TMEM150C: variants seen among roughly 807,000 people sequenced by gnomAD.
TMEM150C encodes transmembrane protein 150C, also known as tentonin 3.
TMEM150C carries 10 observed loss-of-function variants against 29.9 expected under a neutral mutation model. That is an observed-to-expected ratio of 0.33 (90% CI 0.21 to 0.57). The LOEUF (loss-of-function observed/expected upper bound fraction) is 0.57. Ranked by LOEUF, TMEM150C falls within the 20% of genes least tolerant of loss-of-function variation. The pLI, the probability that TMEM150C is intolerant of heterozygous loss-of-function variation, is 0.88. For missense variants in TMEM150C, 251 were observed against 303.6 expected (o/e 0.83, Z 1.29); for synonymous variants, 101 against 112.5 (o/e 0.90, Z 0.64).
intron 4 of TMEM150C, 47 bp from the exon 5 acceptor site, chr4:82,502,841 ATCC>A (rs753040217): frequency 1.9e-6 from 3 of 1,589,068 alleles, no homozygotes; most frequent in African/African-American, 1.3e-5. Context: ...AAAATCTATA[ATCC>A]TCCTAACTTT....
chr4:82,544,055 A>G (rs936290170), intron 1 of TMEM150C, among the ~76,000 whole-genome samples: 1 of 152,188 alleles, frequency 6.6e-6, no homozygotes, highest in Non-Finnish European at 1.5e-5. Flanking sequence ...ATTACGAACG[A>G]TCGGATATTA....
chr4:82,544,577 G>A (rs1187733484), intron 1 of TMEM150C, among the ~76,000 whole-genome samples: 6 of 152,086 alleles, frequency 3.9e-5, no homozygotes, highest in African/African-American at 7.2e-5. Context: ...CCAGGGGTTC[G>A]AGACCAGCCT....
chr4:82,500,681 G>C (rs2110068099), intron 5 of TMEM150C, among the ~76,000 whole-genome samples: 1 of 152,274 alleles, frequency 6.6e-6, no homozygotes, highest in Middle Eastern at 3.4e-3. Flanking sequence ...TTTGTAATTA[G>C]TCAATCATAA....
intron 1 of TMEM150C, among the ~76,000 whole-genome samples, chr4:82,514,853 G>A (rs12506540): frequency 2.0e-5 from 3 of 151,798 alleles, no homozygotes; most frequent in Non-Finnish European, 4.4e-5. Context: ...GAGCCCCTTC[G>A]CCCCTCACTG....
intron 1 of TMEM150C, among the ~76,000 whole-genome samples, chr4:82,554,890 T>C (rs1725692806): frequency 6.6e-6 from 1 of 152,192 alleles, no homozygotes; most frequent in Non-Finnish European, 1.5e-5. Context: ...TGGATCACTG[T>C]CCTCAGAGAT....
chr4:82,559,072 C>T (rs886592369), intron 1 of TMEM150C, among the ~76,000 whole-genome samples: 12 of 152,132 alleles, frequency 7.9e-5, no homozygotes, highest in African/African-American at 1.2e-4. Context: ...TGAGATCCAC[C>T]CCCTGCCTGC....
chr4:82,515,660 C>T (rs1175947658), intron 1 of TMEM150C, among the ~76,000 whole-genome samples: 2 of 151,982 alleles, frequency 1.3e-5, no homozygotes, highest in Non-Finnish European at 2.9e-5. Context: ...TCGCTTGAAC[C>T]CAGGAGGCAG....
intron 1 of TMEM150C, among the ~76,000 whole-genome samples, chr4:82,533,923 A>C (rs570837886): frequency 6.6e-6 from 1 of 152,308 alleles, no homozygotes; most frequent in South Asian, 2.1e-4. Flanking sequence ...ACCATCTAGA[A>C]CTTTCACATT....
chr4:82,545,656 AC>A (rs1725355298), intron 1 of TMEM150C, among the ~76,000 whole-genome samples: 1 of 152,244 alleles, frequency 6.6e-6, no homozygotes, highest in African/African-American at 2.4e-5. Context: ...TTGGCCAGGT[AC>A]AGTGGCTGAC....
intron 1 of TMEM150C, among the ~76,000 whole-genome samples, chr4:82,518,359 C>T (rs1404101472): frequency 2.0e-5 from 3 of 152,038 alleles, no homozygotes; most frequent in African/African-American, 7.2e-5. Flanking sequence ...ATGAGCTGCT[C>T]CGTGCCCTGG....
Position 82,500,088 on chromosome 4 carries a change from G to A in TMEM150C, c.235+2639C>T, listed in dbSNP as rs188332527. Among the ~76,000 whole-genome samples, 1,090 of 152,216 alleles carry A rather than the reference G, an allele frequency of 7.2e-3. 9 individuals carry two copies. The highest frequency in any genetic ancestry group is 0.011 in the Non-Finnish European group (774 of 68,006). ...CTTAGGTCTTTTTCTCTCCTACCCC[G>A]TGGAAAGAAATGCAGTTTCAAGACA... is the stretch of plus-strand genomic sequence containing the variant. On this transcript the variant is annotated intron_variant, in intron 5 of 7. Transcript: ENST00000449862.
At chr4:82,497,697 C>A (rs1041729288) in intron 5 of TMEM150C, among the ~76,000 whole-genome samples, 1 of 152,148 alleles carries the variant, frequency 6.6e-6, no homozygotes, top group Non-Finnish European at 1.5e-5. Context: ...ATACATTATA[C>A]CTGAGTTGAC....
chr4:82,524,090 C>G (rs1052464724), intron 1 of TMEM150C, among the ~76,000 whole-genome samples: 10 of 141,962 alleles, frequency 7.0e-5, no homozygotes, highest in Non-Finnish European at 1.4e-4. Context: ...AACCCCGTCT[C>G]TACTAAAAAT....
At position 82,504,573 on chromosome 4, in the gene TMEM150C, C is replaced by T. The variant is rs774009237; in HGVS notation, c.80+5G>A. The T allele has an allele frequency of 1.2e-6, 2 of 1,608,344 alleles. No homozygotes were observed. The highest frequency in any genetic ancestry group is 1.7e-6 in the Non-Finnish European group (2 of 1,175,572). ...CCTTAAATAATTAAATGAGCAAATACTCACACTATCCACAATCCAGCTGAA... is the reference window on the plus strand; with the variant it reads ...CCTTAAATAATTAAATGAGCAAATATTCACACTATCCACAATCCAGCTGAA... On this transcript the variant is annotated splice_donor_5th_base_variant and intron_variant, in intron 2 of 7. Coordinates refer to ENST00000449862, the MANE Select transcript of TMEM150C (RefSeq NM_001080506.3).
chr4:82,514,551 A>G (rs1478885726), intron 1 of TMEM150C, among the ~76,000 whole-genome samples: 1 of 152,086 alleles, frequency 6.6e-6, no homozygotes, highest in Non-Finnish European at 1.5e-5. Flanking sequence ...TTCTATGTGT[A>G]GAAATTGGGG....
chr4:82,542,825 A>C (rs907364276), intron 1 of TMEM150C, among the ~76,000 whole-genome samples: 1 of 152,182 alleles, frequency 6.6e-6, no homozygotes, highest in African/African-American at 2.4e-5. Context: ...GCTGGACCGA[A>C]GAAAATGTGA....
chr4:82,521,460 A>G (rs1724481705), intron 1 of TMEM150C, among the ~76,000 whole-genome samples: 1 of 152,252 alleles, frequency 6.6e-6, no homozygotes, highest in Non-Finnish European at 1.5e-5. Flanking sequence ...AGAAATGTAA[A>G]CAAATAACTA....
chr4:82,494,929 C>G, intron 6 of TMEM150C: 8 of 555,512 alleles, frequency 1.4e-5, no homozygotes, highest in Non-Finnish European at 2.7e-5. Context: ...TTCTCTTTAG[C>G]CTCCTTCATT....
At chr4:82,531,592 T>TA (rs1485911315) in intron 1 of TMEM150C, among the ~76,000 whole-genome samples, 1 of 151,528 alleles carries the variant, frequency 6.6e-6, no homozygotes, top group Non-Finnish European at 1.5e-5. Context: ...TCATCTATAT[T>TA]AAAATACAAA....
Sources: gnomAD v4.1 joint callset for allele counts (sites outside exome capture counted in the v4.1 genomes callset) on GRCh38, gnomAD v4.1.1 for gene constraint, MANE v1.5 for transcripts, NCBI Gene and HGNC (gene_info 2026-07-23, HGNC 2026-07-21) for gene names.